SCP2: variants seen among roughly 807,000 people sequenced by gnomAD.
SCP2 encodes the protein sterol carrier protein 2.
A neutral mutation model predicts 71.4 loss-of-function variants in SCP2; 48 were observed. The observed-to-expected ratio is 0.67, with a 90% CI of 0.53 to 0.86. The LOEUF is 0.86. SCP2 is among the 40% of genes least tolerant of loss of function. The pLI is 0.00. For missense variants in SCP2, 560 were observed against 655.6 expected, an observed-to-expected ratio of 0.85 and a Z score of 1.59; for synonymous variants, 220 against 218.1, an observed-to-expected ratio of 1.01 and a Z score of -0.08.
intron 8 of SCP2, 29 bp downstream of exon 8, chr1:52,976,798 G>A: frequency 8.9e-7 from 1 of 1,119,116 alleles, no homozygotes; most frequent in Non-Finnish European, 1.4e-6. Context: ...AACATTTAAT[G>A]AGGGAAGTAA....
rs531294349 is a variant in SCP2, at chr1:52,936,993, G to A, written c.70-4803G>A. ...CAGTAAGGAAATGGAATCATAAGTA[G>A]ACAACTGGCCCAGCAGTTGAAAAAA... On this transcript the variant is annotated intron_variant, in intron 1 of 15. Coordinates refer to ENST00000371514, the MANE Select transcript of SCP2 (RefSeq NM_002979.5). 1.2e-4 allele frequency among the ~76,000 whole-genome samples: 18 copies of A among 152,118 alleles called. No homozygotes were observed. The South Asian group carries it at 2.9e-3, about 25-fold the overall frequency.
Position 53,014,984 on chromosome 1 carries a change from A to C in SCP2, c.1176A>C (p.Leu392Phe). 6.2e-7 allele frequency: 1 copy of C among 1,614,150 alleles called. No homozygotes were observed. Among genetic ancestry groups the C allele is most frequent in the Non-Finnish European group, 8.5e-7 (1 of 1,180,006 alleles). The change falls in exon 12 of 16, where the codon TTA becomes TTC. Residue 392 changes from leucine to phenylalanine, a missense_variant. By Grantham distance (22) the Leu-to-Phe change is conservative. Transcript: ENST00000371514. The stretch of plus-strand genomic sequence containing the variant: ...CAAAGGTGGCTCTGCAGCATAATTT[A>C]GGCATTGGAGGAGCTGTGGTTGTAA... ...PGAKVALQHNLGIGGAVVVTL... is the reference protein window; with the variant it reads ...PGAKVALQHNFGIGGAVVVTL...
chr1:52,927,418 C>T lies in SCP2; in HGVS notation c.22C>T (p.Pro8Ser), dbSNP rs941210130. ...AGCCATGTCCTCTTCCCCGTGGGAGCCTGCGACCCTGCGCCGGGTGTTCGT... is the reference window on the plus strand; with the variant it reads ...AGCCATGTCCTCTTCCCCGTGGGAGTCTGCGACCCTGCGCCGGGTGTTCGT... The part of the protein sequence containing the change: MSSSPWE[P>S]ATLRRVFVVG... The change falls in exon 1 of 16, where the codon CCT becomes TCT. Residue 8 changes from proline to serine, a missense_variant. Physicochemically the swap from Pro to Ser is moderately conservative, Grantham distance 74. Transcript: ENST00000371514. 1 of 1,599,990 alleles carries T rather than the reference C, an allele frequency of 6.3e-7. No individual in the cohort carries two copies. The highest frequency in any genetic ancestry group is 8.5e-7 in the Non-Finnish European group (1 of 1,174,296).
At chr1:52,944,548 C>T (rs534077235) in intron 2 of SCP2, among the ~76,000 whole-genome samples, 1 of 152,244 alleles carries the variant, frequency 6.6e-6, no homozygotes, top group African/African-American at 2.4e-5. Flanking sequence ...CAAATAGTTT[C>T]TGCCTGTCTT....
intron 12 of SCP2, among the ~76,000 whole-genome samples, chr1:53,021,038 C>T (rs543742177): frequency 6.6e-6 from 1 of 152,008 alleles, no homozygotes; most frequent in Non-Finnish European, 1.5e-5. Context: ...CAGAGTCTCA[C>T]TCTGTCATCC....
At position 53,037,927 on chromosome 1, in the gene SCP2, CACAG is replaced by C. The variant is rs1273251264; in HGVS notation, c.1339-988_1339-985del. On this transcript the variant is annotated intron_variant, in intron 13 of 15. Coordinates refer to ENST00000371514, the MANE Select transcript of SCP2 (RefSeq NM_002979.5). ...ACACACACACACACACACACACACA[CACAG>C]ATCCAGATCCTGTCTCTATACACAC... 1.2e-4 allele frequency among the ~76,000 whole-genome samples: 15 copies of C among 126,070 alleles called. No individual in the cohort carries two copies. In the South Asian group the frequency reaches 2.0e-3, roughly 17 times the overall value. 82.7% of individuals were successfully genotyped at this position (126,070 alleles called of 152,430 possible). A position where few individuals can be genotyped will look rare whatever the true frequency, so the allele number is the denominator to read the frequency against.
chr1:53,038,173 G>GTA (rs1465113838), intron 13 of SCP2, among the ~76,000 whole-genome samples: 11 of 147,552 alleles, frequency 7.5e-5, no homozygotes, highest in East Asian at 6.1e-4. Flanking sequence ...ACCTATATGT[G>GTA]TATATATATA....
rs755341269 is a variant in SCP2, at chr1:52,961,491, C to T, written c.397-12C>T. 6.2e-7 allele frequency: 1 copy of T among 1,612,926 alleles called. No homozygotes were observed. The highest frequency in any genetic ancestry group is 8.5e-7 in the Non-Finnish European group (1 of 1,179,210). On this transcript the variant is annotated splice_polypyrimidine_tract_variant and intron_variant, in intron 5 of 15. Coordinates refer to ENST00000371514, the MANE Select transcript of SCP2 (RefSeq NM_002979.5). ...TGTCAGCTGCTTATGAAATTTTGTT[C>T]CCCCCTCTTAGTTTTCAGATAGAAC...
rs770222775 is a variant in SCP2 at position 52,987,747 on chromosome 1, G to C, written c.974-282G>C. ...TAGTTATAGCATTATATCCATTTCA[G>C]TTCTATTCTCCTAGTTCTCTGAATC... On this transcript the variant is annotated intron_variant, in intron 10 of 15. Transcript: ENST00000371514. Among the ~76,000 whole-genome samples, 58 of 152,110 alleles carry C rather than the reference G, an allele frequency of 3.8e-4. 1 individual carries two copies. Among genetic ancestry groups the C allele is most frequent in the Admixed American group, 2.0e-4 (3 of 15,272 alleles).
intron 15 of SCP2, 67 bp from the exon 16 acceptor site, chr1:53,050,542 G>A: frequency 1.0e-6 from 1 of 952,530 alleles, no homozygotes; most frequent in African/African-American, 1.6e-5. Flanking sequence ...GGGCTAGATA[G>A]TGTAGAAACA....
chr1:52,933,000 C>T (rs537541361), intron 1 of SCP2, among the ~76,000 whole-genome samples: 1 of 152,208 alleles, frequency 6.6e-6, no homozygotes, highest in Non-Finnish European at 1.5e-5. Context: ...GTTTTTCTGG[C>T]TCTGTCCACT....
chr1:53,008,641 G>T (rs1328613782), intron 11 of SCP2, among the ~76,000 whole-genome samples: 1 of 152,022 alleles, frequency 6.6e-6, no homozygotes. Flanking sequence ...AAAATAATAA[G>T]AGCTATTTAT....
intron 7 of SCP2, among the ~76,000 whole-genome samples, chr1:52,975,428 T>C (rs1226085967): frequency 6.6e-6 from 1 of 152,182 alleles, no homozygotes; most frequent in African/African-American, 2.4e-5. Flanking sequence ...TCCACCTGCC[T>C]CTGCCTCCCA....
chr1:52,986,173 A>G (rs1337167617), intron 10 of SCP2, among the ~76,000 whole-genome samples: 1 of 152,160 alleles, frequency 6.6e-6, no homozygotes, highest in African/African-American at 2.4e-5. Context: ...GAGAGCGTTC[A>G]TTTACAGTAC....
At chr1:52,932,418 T>A (rs925690743) in intron 1 of SCP2, among the ~76,000 whole-genome samples, 1 of 152,212 alleles carries the variant, frequency 6.6e-6, no homozygotes, top group East Asian at 1.9e-4. Context: ...AATTTTTTAA[T>A]GTAAGTGCTA....
intron 13 of SCP2, among the ~76,000 whole-genome samples, chr1:53,032,024 G>A (rs999031370): frequency 1.3e-5 from 2 of 152,228 alleles, no homozygotes; most frequent in African/African-American, 4.8e-5. Context: ...TCTAGAGAAA[G>A]CTTTCCTCTC....
chr1:53,037,835 G>A (rs1053759824), intron 13 of SCP2, among the ~76,000 whole-genome samples: 14 of 150,842 alleles, frequency 9.3e-5, no homozygotes, highest in Non-Finnish European at 5.9e-5. Context: ...GAGCCCAGGA[G>A]TTTGAGACCA....
intron 11 of SCP2, among the ~76,000 whole-genome samples, chr1:53,013,078 A>G (rs963686847): frequency 6.6e-6 from 1 of 151,574 alleles, no homozygotes; most frequent in Non-Finnish European, 1.5e-5. Context: ...TTCACAATTC[A>G]AAAAGTTATT....
At chr1:52,965,150 A>C (rs1656839724) in intron 6 of SCP2, among the ~76,000 whole-genome samples, 1 of 152,228 alleles carries the variant, frequency 6.6e-6, no homozygotes, top group Admixed American at 6.5e-5. Flanking sequence ...TATATAATCT[A>C]CAGACCTCAT....
Sources: allele counts gnomAD v4.1 joint callset (sites outside exome capture counted in the v4.1 genomes callset), GRCh38; gene constraint gnomAD v4.1.1; transcripts MANE v1.5; gene names NCBI Gene and HGNC (gene_info 2026-07-23, HGNC 2026-07-21).